ATP6V0D1: variants seen among roughly 807,000 people sequenced by gnomAD.
ATP6V0D1 encodes the protein ATPase H+ transporting V0 subunit d1.
A neutral mutation model predicts 39.0 loss-of-function variants in ATP6V0D1; 13 were observed. The ratio of observed to expected loss-of-function variants is 0.33; its 90% CI spans 0.22 to 0.53. ATP6V0D1 has a LOEUF of 0.53. Among genes scored for constraint, ATP6V0D1 ranks in the 20% least tolerant of loss-of-function variants. The pLI is 0.94. For missense variants in ATP6V0D1, 272 were observed against 470.9 expected (o/e 0.58, Z 3.91); for synonymous variants, 191 against 191.2 (o/e 1.00, Z 0.01).
chr16:67,468,377 C>T (rs1417582594), intron 1 of ATP6V0D1, among the ~76,000 whole-genome samples: 1 of 151,986 alleles, frequency 6.6e-6, no homozygotes, highest in Admixed American at 6.6e-5. Context: ...CACTTGAGCC[C>T]AGGAGTTCAA....
intron 1 of ATP6V0D1, 25 bp downstream of exon 1, chr16:67,480,932 C>A: frequency 6.2e-7 from 1 of 1,613,142 alleles, no homozygotes. Flanking sequence ...AGCCTCTATC[C>A]CCGCCTTTCG....
chr16:67,469,996 A>T (rs950165801), intron 1 of ATP6V0D1, among the ~76,000 whole-genome samples: 12 of 152,122 alleles, frequency 7.9e-5, no homozygotes, highest in Admixed American at 4.6e-4. Context: ...TCACCTAACA[A>T]CATATTTCTA....
At chr16:67,464,492 G>A (rs1033979593) in intron 1 of ATP6V0D1, among the ~76,000 whole-genome samples, 3 of 152,154 alleles carry the variant, frequency 2.0e-5, no homozygotes, top group Non-Finnish European at 4.4e-5. Flanking sequence ...TTCTAGCCTC[G>A]TCAGGCCCAG....
At chr16:67,445,412 C>G (rs1480657712) in intron 2 of ATP6V0D1, among the ~76,000 whole-genome samples, 2 of 152,158 alleles carry the variant, frequency 1.3e-5, no homozygotes, top group Admixed American at 6.5e-5. Context: ...GGAGGAAAGG[C>G]TGAGGAGTGG....
At chr16:67,468,663 C>T (rs149542851) in intron 1 of ATP6V0D1, among the ~76,000 whole-genome samples, 1,691 of 151,592 alleles carry the variant, frequency 0.011, 39 homozygotes, top group Admixed American at 0.049. Flanking sequence ...GGAAATGAGA[C>T]TAATATATTC....
rs777212393 is a variant in ATP6V0D1 at position 67,453,511 on chromosome 16, G to GT, written c.302+32dup. ...CTGCAGGTGTAGCTATCCTGCCCAG[G>GT]TAAGAGAAGAAGGCGCTACAAAGCA... On this transcript the variant is annotated intron_variant, in intron 2 of 7. Transcript: ENST00000290949. The surrounding 1 kb of genome is among the most constrained non-coding windows in gnomAD (Gnocchi z 4.1). 1.2e-4 allele frequency: 186 copies of GT among 1,610,520 alleles called. No individual in the cohort carries two copies. The highest frequency in any genetic ancestry group is 1.5e-4 in the Non-Finnish European group (181 of 1,177,560).
At chr16:67,477,377 G>C (rs1269160726) in intron 1 of ATP6V0D1, among the ~76,000 whole-genome samples, 1 of 152,116 alleles carries the variant, frequency 6.6e-6, no homozygotes, top group Non-Finnish European at 1.5e-5. Flanking sequence ...ATGGATATCT[G>C]ATTACATTAA....
intron 6 of ATP6V0D1, 32 bp downstream of exon 6, chr16:67,438,939 C>G (rs2041011902): frequency 6.2e-7 from 1 of 1,613,336 alleles, no homozygotes; most frequent in Non-Finnish European, 8.5e-7. Flanking sequence ...GACAACACAT[C>G]CAACCGCTGT....
At chr16:67,445,231 G>A (rs959028574) in intron 2 of ATP6V0D1, among the ~76,000 whole-genome samples, 7 of 152,270 alleles carry the variant, frequency 4.6e-5, no homozygotes, top group Admixed American at 4.6e-4. Flanking sequence ...CGCAGCAGCC[G>A]GCAGCACGGG....
Position 67,444,906 on chromosome 16 carries a change from G to C in ATP6V0D1, c.303-200C>G, listed in dbSNP as rs2041097367. On this transcript the variant is annotated intron_variant, in intron 2 of 7. Transcript: ENST00000290949. The surrounding 1 kb of genome is among the most constrained non-coding windows in gnomAD (Gnocchi z 4.8). ...GCTTCTGACCACCCCCACTGCCAGA[G>C]GCCTAGGACAGACACAGGCCCCCCA... 6.6e-6 allele frequency among the ~76,000 whole-genome samples: 1 copy of C among 152,178 alleles called. No individual in the cohort carries two copies. The highest frequency in any genetic ancestry group is 2.1e-4 in the South Asian group (1 of 4,828).
At chr16:67,460,267 G>T (rs2041278566) in intron 1 of ATP6V0D1, among the ~76,000 whole-genome samples, 1 of 151,942 alleles carries the variant, frequency 6.6e-6, no homozygotes, top group Non-Finnish European at 1.5e-5. Flanking sequence ...GGAAAACTCA[G>T]ACAGATGGAC....
At chr16:67,479,917 C>CTCTGAAGCTGTGTGCTGAGAAGAAAG (rs2041450809) in intron 1 of ATP6V0D1, among the ~76,000 whole-genome samples, 4 of 140,512 alleles carry the variant, frequency 2.8e-5, no homozygotes, top group African/African-American at 9.8e-5. Context: ...GTCAACGCCA[C>CTCTGAAGCTGTGTGCTGAGAAGAAAG]GGCCGGGCGC....
chr16:67,472,350 T>G (rs1199420857), intron 1 of ATP6V0D1, among the ~76,000 whole-genome samples: 2 of 152,140 alleles, frequency 1.3e-5, no homozygotes, highest in Non-Finnish European at 2.9e-5. Flanking sequence ...CTTCTATTAT[T>G]GCCTTCTGCA....
rs1479990570 is a variant in ATP6V0D1, at chr16:67,444,442, C to T, written c.481+86G>A. 2.8e-6 allele frequency: 4 copies of T among 1,424,782 alleles called. No individual in the cohort carries two copies. Among genetic ancestry groups the T allele is most frequent in the South Asian group, 1.4e-5 (1 of 71,772 alleles). 88.3% of individuals were successfully genotyped at this position (1,424,782 alleles called of 1,614,324 possible). ...CAGGTCTCACTTTCTGGCTCAGGGT[C>T]GCCCCCCAGCGGGTCCACAAACCCC... is the stretch of plus-strand genomic sequence containing the variant. On this transcript the variant is annotated intron_variant, in intron 3 of 7. Coordinates refer to ENST00000290949, the MANE Select transcript of ATP6V0D1 (RefSeq NM_004691.5). This position sits in a 1 kb window ranked among gnomAD's most constrained non-coding sequence, Gnocchi z 4.8.
At chr16:67,472,189 A>T (rs1028043213) in intron 1 of ATP6V0D1, among the ~76,000 whole-genome samples, 4 of 152,146 alleles carry the variant, frequency 2.6e-5, no homozygotes, top group African/African-American at 9.7e-5. Flanking sequence ...GTGCCAGTTC[A>T]TCCGCCACTG....
rs1567541492 is a variant in ATP6V0D1 at position 67,467,288 on chromosome 16, C to T, written c.131-13573G>A. ...TTGGGAGACCGAGGTGGGCGGATCA[C>T]GAGGTCAAGAGATCAAGACCATCCT... On this transcript the variant is annotated intron_variant, in intron 1 of 7. Transcript: ENST00000290949. Among the ~76,000 whole-genome samples the T allele has an allele frequency of 1.3e-5, 2 of 152,268 alleles. 1 individual carries two copies. Among genetic ancestry groups the T allele is most frequent in the East Asian group, 3.9e-4 (2 of 5,186 alleles).
In ATP6V0D1 at chr16:67,481,127, C is replaced by A; in HGVS notation, c.-41G>T. On this transcript the variant is annotated 5_prime_UTR_variant, in exon 1 of 8. Coordinates refer to ENST00000290949, the MANE Select transcript of ATP6V0D1 (RefSeq NM_004691.5). Reference sequence around the variant, plus strand: ...GGCGGGACCGGAGAACCAGGACCGGCCGGCACGAATCGCGACTCCCCAGGT... The same window carrying A: ...GGCGGGACCGGAGAACCAGGACCGGACGGCACGAATCGCGACTCCCCAGGT... 1 of 1,611,334 alleles carries A rather than the reference C, an allele frequency of 6.2e-7. No homozygotes were observed. Among genetic ancestry groups the A allele is most frequent in the South Asian group, 1.1e-5 (1 of 90,828 alleles).
At chr16:67,480,007 G>A (rs1237190089) in intron 1 of ATP6V0D1, among the ~76,000 whole-genome samples, 2 of 110,262 alleles carry the variant, frequency 1.8e-5, no homozygotes, top group East Asian at 2.0e-4. Context: ...AGACCATCCC[G>A]GCTAAAACGG....
In ATP6V0D1 at chr16:67,443,108, G is replaced by A; in HGVS notation, c.552C>T (p.Thr184=). 4 of 1,613,726 alleles carry A rather than the reference G, an allele frequency of 2.5e-6. No individual in the cohort carries two copies. Among genetic ancestry groups the A allele is most frequent in the Non-Finnish European group, 2.5e-6 (3 of 1,179,978 alleles). ...DEMNIEIIRN[T]LYKAYLESFY... is the part of the protein sequence containing the mutation. ...TTGTGTGGGGCATTACCTTGTAGAGGGTGTTGCGGATGATCTCGATGTTCA... is the reference window on the plus strand; with the variant it reads ...TTGTGTGGGGCATTACCTTGTAGAGAGTGTTGCGGATGATCTCGATGTTCA... Residue 184 remains threonine (T), a synonymous_variant, in exon 4 of 8, where the codon ACC becomes ACT. Coordinates refer to ENST00000290949, the MANE Select transcript of ATP6V0D1 (RefSeq NM_004691.5).
Sources: allele counts gnomAD v4.1 joint callset (sites outside exome capture counted in the v4.1 genomes callset), GRCh38; gene constraint gnomAD v4.1.1; non-coding constraint Gnocchi (gnomAD v3.1); transcripts MANE v1.5; gene names NCBI Gene and HGNC (gene_info 2026-07-23, HGNC 2026-07-21).